The following TRIP4 variants were observed in gnomAD, a reference collection of about 807,000 sequenced individuals.
TRIP4 encodes the protein thyroid hormone receptor interactor 4.
Under a neutral mutation model 81.8 loss-of-function variants are expected in TRIP4, and 54 were observed. The ratio of observed to expected loss-of-function variants is 0.66; its 90% CI spans 0.53 to 0.83. The LOEUF (loss-of-function observed/expected upper bound fraction) is 0.83. TRIP4 is among the 40% of genes least tolerant of loss of function. TRIP4 has a pLI of 0.00. For synonymous variants in TRIP4, 270 were observed against 242.8 expected, an observed-to-expected ratio of 1.11 and a Z score of -1.04; for missense variants, 662 against 683.6, an observed-to-expected ratio of 0.97 and a Z score of 0.35.
intron 7 of TRIP4, among the ~76,000 whole-genome samples, chr15:64,413,369 G>A (rs1288838222): frequency 6.6e-6 from 1 of 151,748 alleles, no homozygotes. Context: ...TAGAACCAGG[G>A]TCTCTCTATG....
intron 11 of TRIP4, among the ~76,000 whole-genome samples, chr15:64,432,924 A>T (rs1038253833): frequency 7.6e-6 from 1 of 132,156 alleles, no homozygotes; most frequent in African/African-American, 3.0e-5. Context: ...AATAAATAAA[A>T]ATAAATAAAT....
intron 12 of TRIP4, among the ~76,000 whole-genome samples, chr15:64,451,986 TCTCA>T (rs1892776541): frequency 6.8e-6 from 1 of 147,886 alleles, no homozygotes; most frequent in African/African-American, 2.5e-5. Flanking sequence ...TTTAGACAGG[TCTCA>T]CTCTGTTGCC....
chr15:64,445,203 TGAACAA>T, intron 12 of TRIP4, 95 bp downstream of exon 12: 1 of 622,908 alleles, frequency 1.6e-6, no homozygotes, highest in Non-Finnish European at 2.8e-6. Flanking sequence ...TAACTGACTG[TGAACAA>T]TCAGTTGAGG....
rs114125126 is a variant in TRIP4, at chr15:64,448,771, G to T, written c.1678+3663G>T. Among the ~76,000 whole-genome samples, 674 of 152,066 alleles carry T rather than the reference G, an allele frequency of 4.4e-3. 8 individuals are homozygous for T. The highest frequency in any genetic ancestry group is 0.015 in the African/African-American group (629 of 41,464). ...GAACTCTCTTGCCTTAGGTCCTAGG[G>T]GATAACCTCCAGTAGTTTAAGCTGG... On this transcript the variant is annotated intron_variant, in intron 12 of 12. Transcript: ENST00000261884.
At position 64,449,587 on chromosome 15, in the gene TRIP4, A is replaced by AT. The variant is rs1555412348; in HGVS notation, c.1678+4479_1678+4480insT. On this transcript the variant is annotated intron_variant, in intron 12 of 12. Transcript: ENST00000261884. ...GTGTTGTATCATATATATATATATA[A>AT]AAAATATATGGATGTATAAATGCCT... Among the ~76,000 whole-genome samples, 36 of 145,730 alleles carry AT rather than the reference A, an allele frequency of 2.5e-4. No individual in the cohort carries two copies. The East Asian group carries it at 3.5e-3, about 14-fold the overall frequency.
intron 9 of TRIP4, among the ~76,000 whole-genome samples, chr15:64,419,548 C>T (rs1012084630): frequency 3.2e-4 from 48 of 149,662 alleles, no homozygotes; most frequent in Non-Finnish European, 5.5e-4. Flanking sequence ...TTAGTAGAGA[C>T]GGGGTTTCAC....
intron 4 of TRIP4, among the ~76,000 whole-genome samples, chr15:64,399,025 C>T (rs1596337540): frequency 6.9e-6 from 1 of 144,942 alleles, no homozygotes; most frequent in African/African-American, 2.7e-5. Flanking sequence ...TCTCGGCTCA[C>T]TGCAACCTCT....
Position 64,397,767 on chromosome 15 carries a change from C to T in TRIP4, c.567C>T (p.Arg189=), listed in dbSNP as rs1900336880. 10 of 1,614,120 alleles carry T rather than the reference C, an allele frequency of 6.2e-6. No individual in the cohort carries two copies. In the African/African-American group the frequency reaches 1.2e-4, roughly 19 times the overall value. The part of the protein sequence containing the change: ...KLINNCLICG[R]IVCEQEGSGP... ...TCAATAACTGTCTGATCTGTGGGCG[C>T]ATTGTCTGTGAACAAGAAGGCTCAG... is the stretch of plus-strand genomic sequence containing the variant. The change falls in exon 4 of 13, where the codon CGC becomes CGT. Residue 189 remains arginine (R), a synonymous_variant. Coordinates refer to ENST00000261884, the MANE Select transcript of TRIP4 (RefSeq NM_016213.5).
In TRIP4 at chr15:64,393,985, A is replaced by G; in HGVS notation, c.141A>G (p.Glu47=). The G allele has an allele frequency of 6.2e-7, 1 of 1,608,406 alleles. No individual in the cohort carries two copies. Among genetic ancestry groups the G allele is most frequent in the Non-Finnish European group, 8.5e-7 (1 of 1,177,668 alleles). The change falls in exon 2 of 13, where the codon GAA becomes GAG. Residue 47 remains glutamate, a synonymous_variant. Coordinates refer to ENST00000261884, the MANE Select transcript of TRIP4 (RefSeq NM_016213.5). ...TTGAGAGTGCTGAAGAGATACGAGA[A>G]TATGTTACTGATCTCCTCCAGGGAA... ...LSIESAEEIR[E]YVTDLLQGNE... is the part of the protein sequence containing the mutation.
At chr15:64,415,805 C>A (rs2140296064) in intron 8 of TRIP4, among the ~76,000 whole-genome samples, 1 of 152,246 alleles carries the variant, frequency 6.6e-6, no homozygotes, top group African/African-American at 2.4e-5. Context: ...GTAAGCAACA[C>A]CTGATCATGA....
At chr15:64,391,178 A>T (rs1900116758) in intron 1 of TRIP4, among the ~76,000 whole-genome samples, 1 of 151,062 alleles carries the variant, frequency 6.6e-6, no homozygotes, top group African/African-American at 2.4e-5. Flanking sequence ...CTTTTTTGAG[A>T]CGGAGTCTCA....
At position 64,445,073 on chromosome 15, in the gene TRIP4, T is replaced by C. The variant is rs1892595329; in HGVS notation, c.1643T>C (p.Val548Ala). The C allele has an allele frequency of 6.2e-7, 1 of 1,606,846 alleles. No homozygotes were observed. The change falls in exon 12 of 13, where the codon GTT (valine) becomes GCT (alanine). Residue 548 changes from valine (V) to alanine (A), a missense_variant. Physicochemically the swap from Val to Ala is moderately conservative, Grantham distance 64 (BLOSUM62 0). Transcript: ENST00000261884. Reference protein sequence around the residue: ...VFICKNPQEMVVKFPIKGNPK... With the variant: ...VFICKNPQEMAVKFPIKGNPK... ...ATCTGCAAAAATCCTCAGGAAATGG[T>C]TGTGAAGTTTCCTATTAAAGGAAAT...
intron 1 of TRIP4, among the ~76,000 whole-genome samples, chr15:64,391,701 T>C (rs1422070553): frequency 2.0e-5 from 3 of 150,990 alleles, no homozygotes; most frequent in Non-Finnish European, 1.5e-5. Context: ...CCAGGTGCAG[T>C]GGCTCAACCT....
Position 64,409,770 on chromosome 15 carries a change from G to A in TRIP4, c.985G>A (p.Asp329Asn). The stretch of plus-strand genomic sequence containing the variant: ...TCGACTTTCTAAGAAGGTCACCATT[G>A]ACTTTGCAGGAAGGAAGATCCTGGA... The part of the protein sequence containing the change: ...ASRLSKKVTI[D>N]FAGRKILEEE... Residue 329 changes from aspartate to asparagine, a missense_variant, in exon 7 of 13, where the codon GAC becomes AAC. Transcript: ENST00000261884. 6.2e-7 allele frequency: 1 copy of A among 1,614,148 alleles called. No individual in the cohort carries two copies. Among genetic ancestry groups the A allele is most frequent in the Non-Finnish European group, 8.5e-7 (1 of 1,180,048 alleles).
intron 11 of TRIP4, among the ~76,000 whole-genome samples, chr15:64,440,554 C>G (rs1421553726): frequency 6.6e-6 from 1 of 151,604 alleles, no homozygotes; most frequent in South Asian, 2.1e-4. Context: ...AATGCATAGG[C>G]TTTACTTTAT....
intron 3 of TRIP4, 50 bp downstream of exon 3, chr15:64,395,581 T>C (rs958467020): frequency 6.4e-7 from 1 of 1,557,544 alleles, no homozygotes; most frequent in Admixed American, 1.9e-5. Context: ...GAAGAGGAAG[T>C]GACTAATACA....
chr15:64,435,475 G>A (rs1216498595), intron 11 of TRIP4, among the ~76,000 whole-genome samples: 4 of 148,446 alleles, frequency 2.7e-5, no homozygotes, highest in East Asian at 2.0e-4. Flanking sequence ...GCAGTGAGCC[G>A]AGATCGCGCC....
intron 2 of TRIP4, among the ~76,000 whole-genome samples, chr15:64,394,388 G>T (rs746090199): frequency 6.6e-6 from 1 of 152,030 alleles, no homozygotes; most frequent in Non-Finnish European, 1.5e-5. Context: ...GGCGGATCAC[G>T]TGGTCAGGAG....
At chr15:64,413,358 G>A (rs977006857) in intron 7 of TRIP4, among the ~76,000 whole-genome samples, 1 of 151,688 alleles carries the variant, frequency 6.6e-6, no homozygotes, top group Non-Finnish European at 1.5e-5. Context: ...TTTATTTTTT[G>A]TAGAACCAGG....
Sources: allele counts gnomAD v4.1 joint callset (sites outside exome capture counted in the v4.1 genomes callset), GRCh38; gene constraint gnomAD v4.1.1; transcripts MANE v1.5; gene names NCBI Gene and HGNC (gene_info 2026-07-23, HGNC 2026-07-21).